EP400: variants seen among roughly 807,000 people sequenced by gnomAD.
The protein encoded by EP400 is E1A binding protein p400, also known as E1A-binding protein p400.
EP400 carries 105 observed loss-of-function variants against 354.1 expected under a neutral mutation model. The observed-to-expected ratio is 0.30, with a 90% CI of 0.25 to 0.35. The LOEUF (loss-of-function observed/expected upper bound fraction) is 0.35. Among genes scored for constraint, EP400 ranks in the 10% least tolerant of loss-of-function variants. EP400 has a pLI of 1.00. For synonymous variants in EP400, 1,646 were observed against 1,716.9 expected (o/e 0.96, Z 1.02); for missense variants, 3,280 against 4,121.0 (o/e 0.80, Z 5.59).
intron 29 of EP400, among the ~76,000 whole-genome samples, chr12:132,030,837 T>C (rs746665435): frequency 1.3e-5 from 2 of 152,210 alleles, no homozygotes; most frequent in African/African-American, 2.4e-5. Context: ...GGCAGCTTCA[T>C]GAGCAGAAAC....
At chr12:131,989,564 C>A (rs776667639) in intron 7 of EP400, among the ~76,000 whole-genome samples, 8 of 152,282 alleles carry the variant, frequency 5.3e-5, no homozygotes, top group Non-Finnish European at 1.0e-4. Flanking sequence ...AAAGCAAAAG[C>A]TTTAAAAATG....
At chr12:132,047,204 G>A (rs995175475) in intron 39 of EP400, among the ~76,000 whole-genome samples, 2 of 152,138 alleles carry the variant, frequency 1.3e-5, no homozygotes, top group African/African-American at 2.4e-5. Flanking sequence ...ATGTAGAAAA[G>A]CAAGTTTTCT....
intron 5 of EP400, among the ~76,000 whole-genome samples, chr12:131,984,844 A>C (rs530987033): frequency 1.3e-5 from 2 of 150,950 alleles, no homozygotes; most frequent in African/African-American, 4.9e-5. Context: ...GACTACAGGC[A>C]TGCGCCACCA....
chr12:132,040,354 C>T lies in EP400; in HGVS notation c.6207+2258C>T, dbSNP rs111995518. ...TAGAGCTCCCACCTGATCCAGCAATCCCACTGCTGGGTGTATATCCAAAGA... is the reference window on the plus strand; with the variant it reads ...TAGAGCTCCCACCTGATCCAGCAATTCCACTGCTGGGTGTATATCCAAAGA... On this transcript the variant is annotated intron_variant, in intron 32 of 52. Transcript: ENST00000389561. Among the ~76,000 whole-genome samples, 454 of 152,190 alleles carry T rather than the reference C, an allele frequency of 3.0e-3. 1 individual carries two copies. The highest frequency in any genetic ancestry group is 0.011 in the African/African-American group (436 of 41,506).
rs117969578 is a variant in EP400, at chr12:131,979,830, C to T, written c.1435+37C>T. On this transcript the variant is annotated intron_variant, in intron 3 of 52. Transcript: ENST00000389561. ...CGGCTAGCGTGGCCTCGGGAATGCC[C>T]CCCTCTCCTTGGGCTGCCGAGGTAC... 14,109 of 1,541,556 alleles carry T rather than the reference C, an allele frequency of 9.2e-3. 409 individuals are homozygous for T. Among genetic ancestry groups the T allele is most frequent in the South Asian group, 0.081 (6,663 of 82,340 alleles).
chr12:131,950,368 A>T (rs1891424080), intron 1 of EP400, among the ~76,000 whole-genome samples: 1 of 149,782 alleles, frequency 6.7e-6, no homozygotes, highest in Non-Finnish European at 1.5e-5. Context: ...GAACCGGGGG[A>T]CTCCGGCCCG....
At chr12:132,010,713 A>AGGCGGGTCACCTGAGGTC (rs1365243851) in intron 15 of EP400, among the ~76,000 whole-genome samples, 5 of 152,170 alleles carry the variant, frequency 3.3e-5, no homozygotes, top group Admixed American at 6.5e-5. Flanking sequence ...AGGCCGAGGT[A>AGGCGGGTCACCTGAGGTC]GGCGGGTCAC....
rs1261356590 is a variant in EP400, at chr12:132,027,936, G to A, written c.5110-81G>A. 10 of 1,477,104 alleles carry A rather than the reference G, an allele frequency of 6.8e-6. No homozygotes were observed. The highest frequency in any genetic ancestry group is 2.6e-5 in the South Asian group (2 of 78,260). The allele number at this position is 1,477,104 out of a possible 1,614,324, so 91.5% of individuals were successfully genotyped here. A position where few individuals can be genotyped will look rare whatever the true frequency, so the allele number is the denominator to read the frequency against. On this transcript the variant is annotated intron_variant, in intron 26 of 52. Transcript: ENST00000389561. The surrounding 1 kb of genome is among the most constrained non-coding windows in gnomAD (Gnocchi z 4.9). The stretch of plus-strand genomic sequence containing the variant: ...GTGGATCTCATATGTGGGAAATCAC[G>A]GGCTGGGTGGGGGGTTGGTGAAGAC...
chr12:132,045,701 GT>G, intron 38 of EP400, 25 bp from the exon 39 acceptor site: 1 of 1,613,400 alleles, frequency 6.2e-7, no homozygotes. Flanking sequence ...GTATTCACCT[GT>G]TTTACCTGAA....
intron 30 of EP400, among the ~76,000 whole-genome samples, chr12:132,036,512 G>A (rs905159961): frequency 8.3e-4 from 126 of 152,354 alleles, no homozygotes; most frequent in African/African-American, 2.9e-3. Context: ...GGCTGCTGGG[G>A]CGGGGGGCAG....
Position 132,013,365 on chromosome 12 carries a change from A to C in EP400, c.3612-125A>C. On this transcript the variant is annotated intron_variant, in intron 17 of 52. Coordinates refer to ENST00000389561, the MANE Select transcript of EP400 (RefSeq NM_015409.5). The surrounding 1 kb of genome is among the most constrained non-coding windows in gnomAD (Gnocchi z 4.5). ...GTCAGTGCAGCCCCCCTTTTCAGGC[A>C]TGTGCACGTTGACATTTGCGGTGTC... 1 of 1,401,244 alleles carries C rather than the reference A, an allele frequency of 7.1e-7. No homozygotes were observed. The highest frequency in any genetic ancestry group is 1.4e-5 in the South Asian group (1 of 71,352). 86.8% of individuals were successfully genotyped at this position (1,401,244 alleles called of 1,614,324 possible). A position where few individuals can be genotyped will look rare whatever the true frequency, so the allele number is the denominator to read the frequency against.
Position 132,029,617 on chromosome 12 carries a change from G to T in EP400, c.5382-84G>T, listed in dbSNP as rs547542835. ...TTTCCTGGGACTTGGACTGTCAGAA[G>T]TCTGCCCCATCTTTCAGGAGCCCCC... On this transcript the variant is annotated intron_variant, in intron 27 of 52. Transcript: ENST00000389561. The surrounding 1 kb of genome is among the most constrained non-coding windows in gnomAD (Gnocchi z 4.7). 1 of 1,451,428 alleles carries T rather than the reference G, an allele frequency of 6.9e-7. No individual in the cohort carries two copies. The highest frequency in any genetic ancestry group is 9.5e-7 in the Non-Finnish European group (1 of 1,051,374). 89.9% of individuals were successfully genotyped at this position (1,451,428 alleles called of 1,614,324 possible). A position where few individuals can be genotyped will look rare whatever the true frequency, so the allele number is the denominator to read the frequency against.
intron 6 of EP400, among the ~76,000 whole-genome samples, chr12:131,987,183 CACTT>C (rs1892882300): frequency 6.6e-6 from 1 of 152,196 alleles, no homozygotes; most frequent in Non-Finnish European, 1.5e-5. Flanking sequence ...CAGCCCTTAG[CACTT>C]ACTTTGGGTT....
chr12:132,000,235 G>A lies in EP400; in HGVS notation c.2828-4842G>A, dbSNP rs180947162. 1.1e-3 allele frequency among the ~76,000 whole-genome samples: 166 copies of A among 151,956 alleles called. 3 individuals are homozygous for A. The highest frequency in any genetic ancestry group is 0.011 in the Admixed American group (166 of 15,260). Reference sequence around the variant, plus strand: ...GTATATATATTTTATTGACCCATGAGTTATTTAGAAGGATGTTTCTTAATT... The same window carrying A: ...GTATATATATTTTATTGACCCATGAATTATTTAGAAGGATGTTTCTTAATT... On this transcript the variant is annotated intron_variant, in intron 12 of 52. Coordinates refer to ENST00000389561, the MANE Select transcript of EP400 (RefSeq NM_015409.5).
chr12:132,076,751 G>A (rs1167946741), intron 52 of EP400, among the ~76,000 whole-genome samples, 158 bp downstream of exon 52: 1 of 152,250 alleles, frequency 6.6e-6, no homozygotes, highest in Non-Finnish European at 1.5e-5. Context: ...ATAATGAGAA[G>A]AGTGAACAAG....
chr12:132,001,091 G>T (rs939093526), intron 12 of EP400, among the ~76,000 whole-genome samples: 4 of 152,132 alleles, frequency 2.6e-5, no homozygotes, highest in Non-Finnish European at 5.9e-5. Flanking sequence ...TCTTCCCACC[G>T]TGTGTGGAGA....
rs138389869 is a variant in EP400 at position 132,064,778 on chromosome 12, C to G, written c.8445C>G (p.Thr2815=). Residue 2815 remains threonine, a synonymous_variant, in exon 48 of 53, where the codon ACC becomes ACG. Transcript: ENST00000389561. ...PQPTAQVQVQ[T]SQPPQQQSPQ... Reference sequence around the variant, plus strand: ...CAACAGCCCAAGTGCAAGTGCAGACCTCGCAGCCGCCGCAGCAGCAGAGCC... The same window carrying G: ...CAACAGCCCAAGTGCAAGTGCAGACGTCGCAGCCGCCGCAGCAGCAGAGCC... 1 of 1,613,110 alleles carries G rather than the reference C, an allele frequency of 6.2e-7. No individual in the cohort carries two copies. The highest frequency in any genetic ancestry group is 8.5e-7 in the Non-Finnish European group (1 of 1,179,846).
chr12:132,063,648 A>T (rs1895782944), intron 47 of EP400, among the ~76,000 whole-genome samples: 1 of 152,174 alleles, frequency 6.6e-6, no homozygotes, highest in Non-Finnish European at 1.5e-5. Context: ...GGAGTGCTTG[A>T]GTCTGGGCCT....
At chr12:131,993,687 G>A (rs1893115928) in intron 11 of EP400, among the ~76,000 whole-genome samples, 1 of 152,174 alleles carries the variant, frequency 6.6e-6, no homozygotes, top group Non-Finnish European at 1.5e-5. Flanking sequence ...TGCAGCCTGT[G>A]CCTCCGGCTA....
Sources: gnomAD v4.1 joint callset for allele counts (sites outside exome capture counted in the v4.1 genomes callset) on GRCh38, gnomAD v4.1.1 for gene constraint, Gnocchi (gnomAD v3.1) non-coding constraint, MANE v1.5 for transcripts, NCBI Gene and HGNC (gene_info 2026-07-23, HGNC 2026-07-21) for gene names.